The following TMEM132D variants were observed in gnomAD, a reference collection of about 807,000 sequenced individuals.
The protein encoded by TMEM132D is transmembrane protein 132D, also known as mature OL transmembrane protein.
In TMEM132D, 21 loss-of-function variants were observed where a neutral mutation model predicts 62.3. The observed-to-expected ratio is 0.34, with a 90% CI of 0.24 to 0.49. The LOEUF is 0.49. TMEM132D is among the 20% of genes least tolerant of loss of function. The probability of loss-of-function intolerance (pLI) is 0.99; values close to 1 mark genes in which losing one functional copy is unlikely to be tolerated. For missense variants in TMEM132D, 1,346 were observed against 1,402.8 expected, an observed-to-expected ratio of 0.96 and a Z score of 0.65; for synonymous variants, 621 against 575.6, an observed-to-expected ratio of 1.08 and a Z score of -1.13.
chr12:129,419,115 A>G (rs976715466), intron 3 of TMEM132D, among the ~76,000 whole-genome samples: 1 of 152,106 alleles, frequency 6.6e-6, no homozygotes, highest in African/African-American at 2.4e-5. Flanking sequence ...AGTTTGTGGG[A>G]CTTCGTTATG....
Position 129,573,818 on chromosome 12 carries a change from C to T in TMEM132D, c.969-42613G>A, listed in dbSNP as rs573843906. Reference sequence around the variant, plus strand: ...TACATGGATGAGTCTCAGGATATTCCGTGTGAAAGAAGTGTTACACAGAAG... The same window carrying T: ...TACATGGATGAGTCTCAGGATATTCTGTGTGAAAGAAGTGTTACACAGAAG... On this transcript the variant is annotated intron_variant, in intron 2 of 8. Coordinates refer to ENST00000422113, the MANE Select transcript of TMEM132D (RefSeq NM_133448.3). Among the ~76,000 whole-genome samples, 14 of 151,898 alleles carry T rather than the reference C, an allele frequency of 9.2e-5. 1 individual carries two copies. Among genetic ancestry groups the T allele is most frequent in the Admixed American group, 3.3e-4 (5 of 15,268 alleles).
Position 129,441,051 on chromosome 12 carries a change from T to C in TMEM132D, c.1115+90008A>G, listed in dbSNP as rs1055954475. Among the ~76,000 whole-genome samples the C allele has an allele frequency of 3.3e-5, 5 of 152,348 alleles. No homozygotes were observed. In the East Asian group the frequency reaches 7.7e-4, roughly 24 times the overall value. On this transcript the variant is annotated intron_variant, in intron 3 of 8. Transcript: ENST00000422113. Reference sequence around the variant, plus strand: ...ATTGGGTGACATATAAGTCAGGGTCTAGTCGAGCTACCATCTAGAGTTCAA... The same window carrying C: ...ATTGGGTGACATATAAGTCAGGGTCCAGTCGAGCTACCATCTAGAGTTCAA...
Position 129,217,821 on chromosome 12 carries a change from C to T in TMEM132D, c.1300-8158G>A, listed in dbSNP as rs140141231. ...TACATATTGAGACATTTCCTCATAA[C>T]ATTTTTTAAGGAAAACAATGAGTCA... On this transcript the variant is annotated intron_variant, in intron 4 of 8. Coordinates refer to ENST00000422113, the MANE Select transcript of TMEM132D (RefSeq NM_133448.3). Among the ~76,000 whole-genome samples the T allele has an allele frequency of 1.1e-4, 16 of 152,332 alleles. No individual in the cohort carries two copies. The East Asian group carries it at 2.9e-3, about 28-fold the overall frequency.
At chr12:129,901,092 T>A (rs1015105401) in intron 1 of TMEM132D, among the ~76,000 whole-genome samples, 8 of 152,296 alleles carry the variant, frequency 5.3e-5, no homozygotes, top group African/African-American at 1.9e-4. Context: ...TGATAATATG[T>A]GGAAACAGAT....
At chr12:129,109,991 T>G (rs1875634915) in intron 5 of TMEM132D, 1 of 152,272 alleles carries the variant, frequency 6.6e-6, no homozygotes, top group South Asian at 2.1e-4. Flanking sequence ...GGGTGGCTGC[T>G]GGGACTCCAT....
At position 129,277,235 on chromosome 12, in the gene TMEM132D, G is replaced by A. The variant is rs922321824; in HGVS notation, c.1299+60399C>T. Among the ~76,000 whole-genome samples, 3 of 152,126 alleles carry A rather than the reference G, an allele frequency of 2.0e-5. No individual in the cohort carries two copies. The highest frequency in any genetic ancestry group is 2.9e-5 in the Non-Finnish European group (2 of 68,036). On this transcript the variant is annotated intron_variant, in intron 4 of 8. Coordinates refer to ENST00000422113, the MANE Select transcript of TMEM132D (RefSeq NM_133448.3). The surrounding 1 kb of genome is among the most constrained non-coding windows in gnomAD (Gnocchi z 4.2). ...ATTTTTTCTCACTAAAGATATTTGT[G>A]CTTGTGTGTCTGAGTCTCTTTAGAA...
chr12:129,814,447 A>T (rs769625107), intron 1 of TMEM132D, among the ~76,000 whole-genome samples: 39 of 151,944 alleles, frequency 2.6e-4, no homozygotes, highest in Middle Eastern at 3.4e-3. Flanking sequence ...TGTCTCTACT[A>T]AAAATACAAA....
intron 5 of TMEM132D, among the ~76,000 whole-genome samples, chr12:129,125,869 C>T (rs1363567474): frequency 6.6e-6 from 1 of 152,174 alleles, no homozygotes; most frequent in African/African-American, 2.4e-5. Context: ...ACAGAGCATA[C>T]ATTGAAGAGC....
At chr12:129,416,255 T>C (rs1265603376) in intron 3 of TMEM132D, among the ~76,000 whole-genome samples, 1 of 152,232 alleles carries the variant, frequency 6.6e-6, no homozygotes, top group Admixed American at 6.5e-5. Flanking sequence ...GTAGTTCTCC[T>C]TGAAGAGGTC....
At chr12:129,331,644 C>T (rs907384528) in intron 4 of TMEM132D, among the ~76,000 whole-genome samples, 2 of 152,134 alleles carry the variant, frequency 1.3e-5, no homozygotes, top group South Asian at 2.1e-4. Flanking sequence ...ACAGCCACTA[C>T]CCAAGAGGAA....
chr12:129,421,141 T>C (rs1025516328), intron 3 of TMEM132D, among the ~76,000 whole-genome samples: 1 of 151,996 alleles, frequency 6.6e-6, no homozygotes. Context: ...TTCATATTTT[T>C]TGGTAGAGAT....
intron 3 of TMEM132D, among the ~76,000 whole-genome samples, chr12:129,387,941 A>G (rs1271585295): frequency 1.1e-5 from 1 of 88,442 alleles, no homozygotes; most frequent in African/African-American, 4.4e-5. Flanking sequence ...ACTAACACCA[A>G]CACCAATCCA....
At chr12:129,270,724 A>G (rs2135600668) in intron 4 of TMEM132D, among the ~76,000 whole-genome samples, 2 of 152,292 alleles carry the variant, frequency 1.3e-5, no homozygotes, top group South Asian at 4.1e-4. Flanking sequence ...CACAAGAATT[A>G]TGCACTTTTT....
In TMEM132D at chr12:129,234,692, C is replaced by T. The variant is rs188800317; in HGVS notation, c.1300-25029G>A. ...ATGCTAAGCTCACAAAATCACAAAT[C>T]CACACAGGATGCCAATACTAATGAC... On this transcript the variant is annotated intron_variant, in intron 4 of 8. Coordinates refer to ENST00000422113, the MANE Select transcript of TMEM132D (RefSeq NM_133448.3). Among the ~76,000 whole-genome samples, 248 of 152,278 alleles carry T rather than the reference C, an allele frequency of 1.6e-3. 1 individual carries two copies. Among genetic ancestry groups the T allele is most frequent in the Non-Finnish European group, 2.6e-3 (180 of 68,020 alleles).
intron 1 of TMEM132D, among the ~76,000 whole-genome samples, chr12:129,874,319 A>G (rs1287332556): frequency 1.3e-5 from 2 of 152,170 alleles, no homozygotes; most frequent in Admixed American, 1.3e-4. Flanking sequence ...CTGAGGCAGG[A>G]GAATCACTTG....
chr12:129,254,968 G>A (rs1880363150), intron 4 of TMEM132D, among the ~76,000 whole-genome samples: 1 of 152,120 alleles, frequency 6.6e-6, no homozygotes, highest in Non-Finnish European at 1.5e-5. Context: ...GGAGGTGATT[G>A]GATCGTGGGG....
chr12:129,623,738 T>TAC (rs1879140943), intron 2 of TMEM132D, among the ~76,000 whole-genome samples: 1 of 130,616 alleles, frequency 7.7e-6, no homozygotes, highest in Non-Finnish European at 1.6e-5. Context: ...CATATATACA[T>TAC]ATATATACAC....
At chr12:129,870,540 A>G (rs539641031) in intron 1 of TMEM132D, among the ~76,000 whole-genome samples, 2 of 152,280 alleles carry the variant, frequency 1.3e-5, no homozygotes, top group Non-Finnish European at 2.9e-5. Flanking sequence ...CCATGAGGAG[A>G]GAGCGCAAAA....
chr12:129,099,105 G>A (rs1029235281), intron 5 of TMEM132D, among the ~76,000 whole-genome samples: 6 of 152,154 alleles, frequency 3.9e-5, no homozygotes, highest in African/African-American at 1.4e-4. Flanking sequence ...TGCTGTGCAG[G>A]CCCTACAGAC....
Sources: gnomAD v4.1 joint callset for allele counts (sites outside exome capture counted in the v4.1 genomes callset) on GRCh38, gnomAD v4.1.1 for gene constraint, Gnocchi (gnomAD v3.1) non-coding constraint, MANE v1.5 for transcripts, NCBI Gene and HGNC (gene_info 2026-07-23, HGNC 2026-07-21) for gene names.